Variants in SF3A3 observed in about 807,000 individuals in gnomAD.
SF3A3 encodes the protein splicing factor 3a subunit 3.
A neutral mutation model predicts 85.8 loss-of-function variants in SF3A3; 9 were observed. The ratio of observed to expected loss-of-function variants is 0.10; its 90% CI spans 0.06 to 0.18. SF3A3 has a LOEUF of 0.18. Ranked by LOEUF, SF3A3 falls within the 10% of genes least tolerant of loss-of-function variation. The pLI is 1.00. For missense variants in SF3A3, 306 were observed against 593.3 expected, an observed-to-expected ratio of 0.52 and a Z score of 5.03; for synonymous variants, 195 against 204.4, an observed-to-expected ratio of 0.95 and a Z score of 0.39.
At position 37,968,141 on chromosome 1, in the gene SF3A3, G is replaced by C. The variant is rs1244508117; in HGVS notation, c.1282-7C>G. 4 of 1,578,288 alleles carry C rather than the reference G, an allele frequency of 2.5e-6. No homozygotes were observed. The highest frequency in any genetic ancestry group is 1.3e-5 in the African/African-American group (1 of 74,182). On this transcript the variant is annotated splice_polypyrimidine_tract_variant and splice_region_variant and intron_variant, in intron 14 of 16. Coordinates refer to ENST00000373019, the MANE Select transcript of SF3A3 (RefSeq NM_006802.4). ...CATGAGCATGACGCCATTCCTGGGAGAAGAGAGAAGCAAAAGGATCATGTG... is the reference window on the plus strand; with the variant it reads ...CATGAGCATGACGCCATTCCTGGGACAAGAGAGAAGCAAAAGGATCATGTG...
intron 15 of SF3A3, among the ~76,000 whole-genome samples, chr1:37,963,643 G>A (rs1335933481): frequency 6.7e-6 from 1 of 150,136 alleles, no homozygotes; most frequent in African/African-American, 2.4e-5. Flanking sequence ...TGCAAGCTCC[G>A]CCTCCTGGGT....
chr1:37,989,506 GC>G, intron 2 of SF3A3, 41 bp downstream of exon 2: 1 of 1,601,064 alleles, frequency 6.2e-7, no homozygotes, highest in Non-Finnish European at 8.5e-7. Flanking sequence ...CTCTTTTCCC[GC>G]CCTCGCCAAC....
chr1:37,976,155 CAAAA>C (rs11312772), intron 12 of SF3A3, among the ~76,000 whole-genome samples: 1 of 142,598 alleles, frequency 7.0e-6, no homozygotes, highest in Non-Finnish European at 1.5e-5. Context: ...GACTCTGTCT[CAAAA>C]AAAAAAAAAA....
chr1:37,977,965 C>T (rs1044028917), intron 11 of SF3A3, among the ~76,000 whole-genome samples: 4 of 151,492 alleles, frequency 2.6e-5, no homozygotes, highest in East Asian at 1.9e-4. Flanking sequence ...TGCAGTGAGC[C>T]GAGATTGTGC....
At chr1:37,974,928 C>G (rs1289845216) in intron 12 of SF3A3, among the ~76,000 whole-genome samples, 1 of 152,108 alleles carries the variant, frequency 6.6e-6, no homozygotes, top group African/African-American at 2.4e-5. Context: ...TTTCTTCTCC[C>G]TTCTCTCTTT....
intron 12 of SF3A3, among the ~76,000 whole-genome samples, chr1:37,974,355 T>C (rs1231981531): frequency 7.0e-6 from 1 of 143,014 alleles, no homozygotes. Context: ...CAAGCTGGAG[T>C]GCAGTGGCGC....
chr1:37,979,215 G>C (rs757286612), intron 9 of SF3A3, 160 bp from the exon 10 acceptor site: 72 of 650,418 alleles, frequency 1.1e-4, no homozygotes, highest in Non-Finnish European at 1.7e-4. Context: ...TGAATCTATA[G>C]TTATCTTCAG....
rs1392950989 is a variant in SF3A3 at position 37,957,379 on chromosome 1, C to T, written c.*807G>A. 3 of 135,432 alleles carry T rather than the reference C, an allele frequency of 2.2e-5. No individual in the cohort carries two copies. Among genetic ancestry groups the T allele is most frequent in the African/African-American group, 8.2e-5 (3 of 36,684 alleles). 8.4% of individuals were successfully genotyped at this position (135,432 alleles called of 1,614,324 possible). ...CCCATTCCAACACAGCCCAACTCCC[C>T]CCCCCCCCCCTTTTTTTTTTTTTGA... On this transcript the variant is annotated 3_prime_UTR_variant, in exon 17 of 17. Transcript: ENST00000373019.
intron 4 of SF3A3, 48 bp downstream of exon 4, chr1:37,987,525 G>T: frequency 7.6e-7 from 1 of 1,323,288 alleles, no homozygotes; most frequent in Non-Finnish European, 1.1e-6. Flanking sequence ...CTTTCCTTTA[G>T]TATGCTTTAA....
At chr1:37,971,555 A>G (rs1646344671) in intron 12 of SF3A3, among the ~76,000 whole-genome samples, 1 of 152,184 alleles carries the variant, frequency 6.6e-6, no homozygotes, top group African/African-American at 2.4e-5. Flanking sequence ...CCACAACAAA[A>G]AAAAGAGAAT....
intron 12 of SF3A3, among the ~76,000 whole-genome samples, chr1:37,975,578 C>T (rs893363983): frequency 6.6e-6 from 1 of 152,002 alleles, no homozygotes; most frequent in Admixed American, 6.6e-5. Context: ...AGTGGCCTCC[C>T]AGCCACTCAC....
At chr1:37,961,780 A>AAAAG (rs1553164719) in intron 15 of SF3A3, among the ~76,000 whole-genome samples, 1,819 of 141,120 alleles carry the variant, frequency 0.013, 70 homozygotes, top group African/African-American at 0.05. Context: ...AAAAAAAAAA[A>AAAAG]AAAGAAAGAA....
chr1:37,982,240 C>A (rs1646424276), intron 6 of SF3A3, among the ~76,000 whole-genome samples: 1 of 152,122 alleles, frequency 6.6e-6, no homozygotes, highest in Admixed American at 6.6e-5. Context: ...ATCTGACTTG[C>A]CTGCATGGAA....
rs1557757711 is a variant in SF3A3, at chr1:37,990,020, C to A, written c.-55G>T. On this transcript the variant is annotated 5_prime_UTR_variant, in exon 1 of 17. Coordinates refer to ENST00000373019, the MANE Select transcript of SF3A3 (RefSeq NM_006802.4). ...ACCACCAACACGGCCGGAAGCAACT[C>A]CTGCCGCCCAGCGCGCCTGAGTCCC... The A allele has an allele frequency of 1.5e-6, 2 of 1,366,766 alleles. No homozygotes were observed. Among genetic ancestry groups the A allele is most frequent in the Non-Finnish European group, 2.1e-6 (2 of 965,984 alleles). The allele number at this position is 1,366,766 out of a possible 1,614,324, so 84.7% of individuals were successfully genotyped here. A position where few individuals can be genotyped will look rare whatever the true frequency, so the allele number is the denominator to read the frequency against.
chr1:37,966,295 G>T (rs1041961990), intron 15 of SF3A3, among the ~76,000 whole-genome samples: 1 of 152,116 alleles, frequency 6.6e-6, no homozygotes, highest in East Asian at 1.9e-4. Flanking sequence ...GGCAGAGAAA[G>T]CTACTACTGC....
rs6679749 is a variant in SF3A3, at chr1:37,989,647, A to G, written c.97-52T>C. 33,349 of 1,600,334 alleles carry G rather than the reference A, an allele frequency of 0.021. 3,391 individuals are homozygous for G. The African/African-American group carries it at 0.29, about 14-fold the overall frequency. On this transcript the variant is annotated intron_variant, in intron 1 of 16. Coordinates refer to ENST00000373019, the MANE Select transcript of SF3A3 (RefSeq NM_006802.4). ...GCCGTTAGTTTGCGTTCTGGAGTAG[A>G]AAAGGCCGCCCGAGGGCGGAGCTTA...
intron 12 of SF3A3, among the ~76,000 whole-genome samples, chr1:37,970,803 AC>A (rs1646340109): frequency 6.6e-6 from 1 of 152,188 alleles, no homozygotes; most frequent in Non-Finnish European, 1.5e-5. Context: ...GTTCTTGGAA[AC>A]CAATGAGCAC....
chr1:37,988,991 G>A (rs1570473339), intron 2 of SF3A3, among the ~76,000 whole-genome samples: 1 of 151,840 alleles, frequency 6.6e-6, no homozygotes, highest in Non-Finnish European at 1.5e-5. Flanking sequence ...ACAGGATGCT[G>A]TAAGAATGGG....
chr1:37,969,688 C>T lies in SF3A3; in HGVS notation c.1053G>A (p.Arg351=), dbSNP rs1375127483. 1 of 1,614,048 alleles carries T rather than the reference C, an allele frequency of 6.2e-7. No individual in the cohort carries two copies. The highest frequency in any genetic ancestry group is 1.3e-5 in the African/African-American group (1 of 74,914). ...THENVQRKQA[R]TGEEREEEEE... ...CCTCTTCTTCTCGCTCTTCTCCTGTCCTGGCTTGCTTGCGCTGTACATTTT... is the reference window on the plus strand; with the variant it reads ...CCTCTTCTTCTCGCTCTTCTCCTGTTCTGGCTTGCTTGCGCTGTACATTTT... Residue 351 remains arginine, a synonymous_variant, in exon 13 of 17, where the codon AGG becomes AGA. Coordinates refer to ENST00000373019, the MANE Select transcript of SF3A3 (RefSeq NM_006802.4).
Sources: gnomAD v4.1 joint callset for allele counts (sites outside exome capture counted in the v4.1 genomes callset) on GRCh38, gnomAD v4.1.1 for gene constraint, MANE v1.5 for transcripts, NCBI Gene and HGNC (gene_info 2026-07-23, HGNC 2026-07-21) for gene names.